Variants in FAM234A observed in about 807,000 individuals in gnomAD.
The protein encoded by FAM234A is protein FAM234A.
In FAM234A, 42 loss-of-function variants were observed where a neutral mutation model predicts 49.1. That is an observed-to-expected ratio of 0.86 (90% CI 0.67 to 1.11). The LOEUF is 1.11. Among genes scored for constraint, FAM234A ranks in the 50% least tolerant of loss-of-function variants. The probability of loss-of-function intolerance (pLI) is 0.00; values close to 1 mark genes in which losing one functional copy is unlikely to be tolerated. For synonymous variants in FAM234A, 369 were observed against 316.2 expected (o/e 1.17, Z -1.77); for missense variants, 815 against 745.2 (o/e 1.09, Z -1.09).
chr16:269,554 AT>A, downstream of FAM234A: 5 of 1,613,394 alleles, frequency 3.1e-6, no homozygotes, highest in Non-Finnish European at 4.2e-6. Context: ...GGCCTTGTAC[AT>A]GTCAGACTTC....
chr16:260,265 C>CT (rs1338241370), intron 5 of FAM234A, 105 bp downstream of exon 5: 6 of 1,077,980 alleles, frequency 5.6e-6, no homozygotes, highest in Non-Finnish European at 8.3e-6. Flanking sequence ...GCCCTGTGAT[C>CT]TTGAGGGTGG....
intron 2 of FAM234A, among the ~76,000 whole-genome samples, chr16:251,513 C>T (rs1055114691): frequency 6.6e-6 from 1 of 151,596 alleles, no homozygotes; most frequent in African/African-American, 2.4e-5. Context: ...TAGCTGAGAC[C>T]ACGGGCGAGC....
chr16:236,861 C>T lies in FAM234A; in HGVS notation c.-140+2004C>T, dbSNP rs577503127. ...GGCGGAGCCTGCAGTGAGCCGAGAT[C>T]GCGCCACTGCACTCCAGCCTGGGCC... On this transcript the variant is annotated intron_variant, in intron 1 of 12. Coordinates refer to ENST00000399932, the MANE Select transcript of FAM234A (RefSeq NM_032039.4). Among the ~76,000 whole-genome samples, 189 of 114,236 alleles carry T rather than the reference C, an allele frequency of 1.7e-3. 61 individuals are homozygous for T. The highest frequency in any genetic ancestry group is 3.4e-3 in the Non-Finnish European group (163 of 48,164). The allele number at this position is 114,236 out of a possible 152,430, so 74.9% of individuals were successfully genotyped here.
Position 261,412 on chromosome 16 carries a change from C to A in FAM234A, c.606C>A (p.Ser202Arg), listed in dbSNP as rs757068037. ...AAACCCTGTGGAACCACAGCAGCAG[C>A]TTCAGCGGGAATGCGTCCATCCTGA... ...TGETLWNHSSSFSGNASILSP... is the reference protein window; with the variant it reads ...TGETLWNHSSRFSGNASILSP... Residue 202 changes from serine (S) to arginine (R), a missense_variant, in exon 6 of 13, where the codon AGC becomes AGA. Physicochemically the swap from Ser to Arg is moderately radical, Grantham distance 110. Transcript: ENST00000399932. 4 of 1,612,964 alleles carry A rather than the reference C, an allele frequency of 2.5e-6. No individual in the cohort carries two copies. In the South Asian group the frequency reaches 4.4e-5, roughly 18 times the overall value.
At chr16:236,163 C>G (rs1180188519) in intron 1 of FAM234A, among the ~76,000 whole-genome samples, 1 of 150,492 alleles carries the variant, frequency 6.6e-6, no homozygotes, top group Non-Finnish European at 1.5e-5. Context: ...ACCATGTTGG[C>G]CAGGCCAGTC....
At chr16:242,849 C>A (rs1339272284) in intron 1 of FAM234A, among the ~76,000 whole-genome samples, 2 of 151,802 alleles carry the variant, frequency 1.3e-5, no homozygotes, top group Admixed American at 6.6e-5. Flanking sequence ...CCTGACCTTG[C>A]GATCCACCCA....
downstream of FAM234A, chr16:269,692 G>A: frequency 2.3e-6 from 2 of 885,442 alleles, no homozygotes; most frequent in Admixed American, 2.3e-5. Flanking sequence ...CAGCCACAGA[G>A]TCTCCGGCGG....
intron 1 of FAM234A, among the ~76,000 whole-genome samples, chr16:248,918 G>A (rs2050905560): frequency 6.6e-6 from 1 of 151,870 alleles, no homozygotes; most frequent in Non-Finnish European, 1.5e-5. Flanking sequence ...AGTGCACCTG[G>A]CCCTTTTAAA....
At chr16:250,202 A>T (rs557675756) in intron 2 of FAM234A, among the ~76,000 whole-genome samples, 1 of 152,310 alleles carries the variant, frequency 6.6e-6, no homozygotes, top group Admixed American at 6.5e-5. Flanking sequence ...AAGTGCTGGG[A>T]CTACAGGCGT....
chr16:254,697 C>A lies in FAM234A; in HGVS notation c.268+16C>A. The A allele has an allele frequency of 6.2e-7, 1 of 1,612,072 alleles. No individual in the cohort carries two copies. The highest frequency in any genetic ancestry group is 1.3e-5 in the African/African-American group (1 of 74,904). ...AGTGCCGCTGGTGAGCCTCGGCTTC[C>A]CCGCCCAGTGGGGTCCAAAGCAGCT... On this transcript the variant is annotated intron_variant, in intron 3 of 12. Transcript: ENST00000399932.
chr16:255,545 G>A (rs1264601769), intron 3 of FAM234A, among the ~76,000 whole-genome samples: 2 of 152,212 alleles, frequency 1.3e-5, no homozygotes, highest in Non-Finnish European at 2.9e-5. Flanking sequence ...CTGCACTCCA[G>A]CCTGGGTGAC....
At chr16:268,619 CGGG>C (rs137924642), downstream of FAM234A, 2 of 681,284 alleles carry the variant, frequency 2.9e-6, no homozygotes, top group South Asian at 3.6e-5. Flanking sequence ...GTCTATAAAT[CGGG>C]GGGGAGGCCG....
chr16:251,144 A>C (rs1166371789), intron 2 of FAM234A, among the ~76,000 whole-genome samples: 2 of 152,170 alleles, frequency 1.3e-5, no homozygotes, highest in Non-Finnish European at 2.9e-5. Flanking sequence ...TTTTTAGTAG[A>C]GATGGCTTTC....
At chr16:257,361 T>G (rs1056021928) in intron 3 of FAM234A, among the ~76,000 whole-genome samples, 2 of 145,614 alleles carry the variant, frequency 1.4e-5, no homozygotes, top group African/African-American at 5.1e-5. Context: ...TTCTCCTGCC[T>G]CAGCCTCCCA....
At position 265,713 on chromosome 16, in the gene FAM234A, C is replaced by T. The variant is rs1033441310; in HGVS notation, c.*691C>T. On this transcript the variant is annotated 3_prime_UTR_variant, in exon 13 of 13. Transcript: ENST00000399932. Reference sequence around the variant, plus strand: ...CTCTGGAGCTGAGCCCGTGGCCGCTCACAGGTGTCCTTAGTGGTGTTGCAG... The same window carrying T: ...CTCTGGAGCTGAGCCCGTGGCCGCTTACAGGTGTCCTTAGTGGTGTTGCAG... 3 of 985,508 alleles carry T rather than the reference C, an allele frequency of 3.0e-6. No individual in the cohort carries two copies. In the African/African-American group the frequency reaches 5.2e-5, roughly 17 times the overall value. 61.0% of individuals were successfully genotyped at this position (985,508 alleles called of 1,614,324 possible). A position where few individuals can be genotyped will look rare whatever the true frequency, so the allele number is the denominator to read the frequency against.
chr16:260,325 C>A, intron 5 of FAM234A, 165 bp downstream of exon 5: 1 of 669,096 alleles, frequency 1.5e-6, no homozygotes, highest in Non-Finnish European at 2.6e-6. Context: ...AGGCTGCAAG[C>A]GTGTGGAAGG....
intron 3 of FAM234A, among the ~76,000 whole-genome samples, chr16:256,297 G>A (rs573742985): frequency 9.2e-5 from 14 of 152,138 alleles, no homozygotes; most frequent in South Asian, 2.1e-4. Flanking sequence ...TTTCTAAAGC[G>A]ACTGCACCAT....
At chr16:267,385 G>A (rs114208542), downstream of FAM234A, among the ~76,000 whole-genome samples, 6 of 152,066 alleles carry the variant, frequency 3.9e-5, no homozygotes, top group South Asian at 2.1e-4. Flanking sequence ...CTCCACCATC[G>A]ACTCCACACA....
In FAM234A at chr16:244,094, G is replaced by C. The variant is rs561229967; in HGVS notation, c.-139-5455G>C. 4.8e-3 allele frequency among the ~76,000 whole-genome samples: 723 copies of C among 151,738 alleles called. 5 individuals carry two copies. The highest frequency in any genetic ancestry group is 0.016 in the African/African-American group (678 of 41,338). On this transcript the variant is annotated intron_variant, in intron 1 of 12. Coordinates refer to ENST00000399932, the MANE Select transcript of FAM234A (RefSeq NM_032039.4). The stretch of plus-strand genomic sequence containing the variant: ...CACCATTCTCCTGCCTCAGCCTCCT[G>C]AGTAGCTGGGACTACAGGCACCCGC...
Sources: allele counts gnomAD v4.1 joint callset (sites outside exome capture counted in the v4.1 genomes callset), GRCh38; gene constraint gnomAD v4.1.1; transcripts MANE v1.5; gene names NCBI Gene and HGNC (gene_info 2026-07-23, HGNC 2026-07-21).